BMPR1B: variants seen among roughly 807,000 people sequenced by gnomAD.
BMPR1B encodes the protein bone morphogenetic protein receptor type 1B.
Under a neutral mutation model 59.1 loss-of-function variants are expected in BMPR1B, and 12 were observed. The observed-to-expected ratio is 0.20, with a 90% confidence interval of 0.13 to 0.33. BMPR1B has a LOEUF of 0.33. Ranked by LOEUF, BMPR1B falls within the 10% of genes least tolerant of loss-of-function variation. The pLI is 1.00. For synonymous variants in BMPR1B, 237 were observed against 207.3 expected (o/e 1.14, Z -1.23); for missense variants, 550 against 610.9 (o/e 0.90, Z 1.05).
chr4:94,951,516 A>G (rs1469337950), intron 2 of BMPR1B, among the ~76,000 whole-genome samples: 3 of 152,144 alleles, frequency 2.0e-5, no homozygotes, highest in Non-Finnish European at 4.4e-5. Context: ...CCTTTTCTGC[A>G]TCTGTTGAGG....
intron 1 of BMPR1B, among the ~76,000 whole-genome samples, chr4:94,779,533 T>C (rs1417120684): frequency 1.3e-5 from 2 of 152,132 alleles, no homozygotes; most frequent in Admixed American, 6.6e-5. Flanking sequence ...ACATTTATCA[T>C]GTTGAGGTTG....
chr4:94,970,318 T>C (rs6532518), intron 2 of BMPR1B, among the ~76,000 whole-genome samples: 27,078 of 125,822 alleles, frequency 0.22, 3,530 homozygotes, highest in Non-Finnish European at 0.24. Context: ...CTCTCTCTCT[T>C]TCTCTCTTTT....
intron 2 of BMPR1B, among the ~76,000 whole-genome samples, chr4:94,941,335 G>A (rs1729503573): frequency 6.6e-6 from 1 of 151,942 alleles, no homozygotes; most frequent in African/African-American, 2.4e-5. Context: ...GGGAGGCTGA[G>A]GCTGGAGAAC....
Position 95,014,791 on chromosome 4 carries a change from A to G in BMPR1B, c.-18+18657A>G, listed in dbSNP as rs918558627. 2.6e-5 allele frequency among the ~76,000 whole-genome samples: 4 copies of G among 152,202 alleles called. No individual in the cohort carries two copies. The East Asian group carries it at 7.7e-4, about 29-fold the overall frequency. ...AATTTACTACCAAGGTCCTGATTTC[A>G]AGATTCGGACCTTTTTGAGATGTCG... On this transcript the variant is annotated intron_variant, in intron 3 of 12. Coordinates refer to ENST00000515059, the MANE Select transcript of BMPR1B (RefSeq NM_001203.3).
At chr4:94,952,922 A>C (rs948882398) in intron 2 of BMPR1B, among the ~76,000 whole-genome samples, 3 of 152,050 alleles carry the variant, frequency 2.0e-5, no homozygotes, top group African/African-American at 7.2e-5. Context: ...CTAAAAACTT[A>C]TGTTATGAAT....
chr4:94,973,109 A>G (rs12508693), intron 2 of BMPR1B, among the ~76,000 whole-genome samples: 84,783 of 151,766 alleles, frequency 0.56, 24,343 homozygotes, highest in South Asian at 0.67. Context: ...GGGTCCCGTG[A>G]CAGCATCTAG....
At chr4:95,132,196 C>T (rs1461919083) in intron 10 of BMPR1B, among the ~76,000 whole-genome samples, 1 of 152,070 alleles carries the variant, frequency 6.6e-6, no homozygotes, top group African/African-American at 2.4e-5. Context: ...GTTTGGAAAA[C>T]AAAACAAAAT....
intron 10 of BMPR1B, 45 bp downstream of exon 10, chr4:95,131,557 G>C (rs1733362447): frequency 1.2e-6 from 2 of 1,600,798 alleles, no homozygotes; most frequent in Non-Finnish European, 1.7e-6. Context: ...ACTCTTTTCT[G>C]TTACTTTTTA....
At chr4:95,087,115 G>T (rs750498567) in intron 3 of BMPR1B, among the ~76,000 whole-genome samples, 1 of 144,236 alleles carries the variant, frequency 6.9e-6, no homozygotes, top group Non-Finnish European at 1.5e-5. Context: ...TTCAGCCTCC[G>T]CCTCCAGGCT....
chr4:95,098,780 G>A (rs973718641), intron 3 of BMPR1B, among the ~76,000 whole-genome samples: 2 of 151,980 alleles, frequency 1.3e-5, no homozygotes, highest in Non-Finnish European at 2.9e-5. Context: ...GCAGTGGCGC[G>A]ATCTGGGCTC....
At chr4:94,984,071 C>A (rs1461769842) in intron 2 of BMPR1B, among the ~76,000 whole-genome samples, 1 of 152,056 alleles carries the variant, frequency 6.6e-6, no homozygotes. Flanking sequence ...CAATAAAAAA[C>A]GATATACTAA....
intron 3 of BMPR1B, among the ~76,000 whole-genome samples, chr4:95,037,559 T>G (rs534373839): frequency 2.6e-5 from 4 of 152,156 alleles, no homozygotes; most frequent in Admixed American, 6.5e-5. Flanking sequence ...CAGTATTCTT[T>G]TAAATGAGTG....
intron 1 of BMPR1B, among the ~76,000 whole-genome samples, chr4:94,834,458 T>C (rs1724721914): frequency 6.6e-6 from 1 of 151,548 alleles, no homozygotes. Context: ...TGAAAACCCT[T>C]CTTTTTCCTC....
intron 1 of BMPR1B, among the ~76,000 whole-genome samples, chr4:94,813,419 G>A (rs1723896089): frequency 6.6e-6 from 1 of 152,144 alleles, no homozygotes; most frequent in Non-Finnish European, 1.5e-5. Context: ...GGAACAGCAG[G>A]TGCCAGGACT....
At chr4:95,027,290 G>T (rs1191568150) in intron 3 of BMPR1B, among the ~76,000 whole-genome samples, 2 of 152,052 alleles carry the variant, frequency 1.3e-5, no homozygotes, top group African/African-American at 2.4e-5. Flanking sequence ...AAAGTTAGAG[G>T]TCAAAGTACT....
chr4:95,092,875 T>C (rs1460863954), intron 3 of BMPR1B, among the ~76,000 whole-genome samples: 2 of 152,054 alleles, frequency 1.3e-5, no homozygotes, highest in Non-Finnish European at 2.9e-5. Context: ...TAATTTTTGG[T>C]GTGGAGGCAA....
chr4:94,875,931 A>G (rs1474141698), intron 2 of BMPR1B, 31 bp downstream of exon 2: 1 of 152,610 alleles, frequency 6.6e-6, no homozygotes, highest in African/African-American at 2.4e-5. Flanking sequence ...AAATAATTTG[A>G]GATGTTTGGT....
intron 2 of BMPR1B, among the ~76,000 whole-genome samples, chr4:94,949,577 A>G (rs1279009949): frequency 2.2e-5 from 1 of 46,084 alleles, no homozygotes; most frequent in Non-Finnish European, 4.9e-5. Flanking sequence ...CGGCCTCCCA[A>G]AGTGCTGGGA....
chr4:95,039,620 C>T (rs550300550), intron 3 of BMPR1B, among the ~76,000 whole-genome samples: 12 of 152,054 alleles, frequency 7.9e-5, no homozygotes, highest in African/African-American at 2.9e-4. Context: ...AGGGAAGATA[C>T]GGAAATATGT....
Sources: allele counts gnomAD v4.1 joint callset (sites outside exome capture counted in the v4.1 genomes callset), GRCh38; gene constraint gnomAD v4.1.1; transcripts MANE v1.5; gene names NCBI Gene and HGNC (gene_info 2026-07-23, HGNC 2026-07-21).